Variants in C16orf95 observed in about 807,000 individuals in gnomAD.
C16orf95 encodes uncharacterized protein C16orf95.
C16orf95 carries 41 observed loss-of-function variants against 32.1 expected under a neutral mutation model. The observed-to-expected ratio is 1.28, with a 90% CI of 1.00 to 1.66. C16orf95 has a LOEUF of 1.66. Among genes scored for constraint, C16orf95 ranks in the 40% most tolerant of loss-of-function variants. C16orf95 has a pLI of 0.00. For synonymous variants in C16orf95, 147 were observed against 128.9 expected (o/e 1.14, Z -0.95); for missense variants, 399 against 325.9 (o/e 1.22, Z -1.73).
intron 1 of C16orf95, among the ~76,000 whole-genome samples, chr16:87,316,621 T>C (rs1904346957): frequency 6.6e-6 from 1 of 151,810 alleles, no homozygotes; most frequent in African/African-American, 2.4e-5. Context: ...CTTCTGGTAA[T>C]GACAGCACTG....
rs532992225 is a variant in C16orf95, at chr16:87,305,713, G to C, written c.701+6C>G. ...ACCCACTGTCCCCCATCCCCCACCTGCTCACCGAATGGCCATGATGACCCT... is the reference window on the plus strand; with the variant it reads ...ACCCACTGTCCCCCATCCCCCACCTCCTCACCGAATGGCCATGATGACCCT... On this transcript the variant is annotated splice_donor_region_variant and intron_variant, in intron 6 of 6. Coordinates refer to ENST00000567970, the MANE Select transcript of C16orf95 (RefSeq NM_001195124.3). The surrounding 1 kb of genome is among the most constrained non-coding windows in gnomAD (Gnocchi z 4.2). 1.9e-3 allele frequency: 2,844 copies of C among 1,496,182 alleles called. 64 individuals are homozygous for C. The South Asian group carries it at 0.033, about 18-fold the overall frequency. 92.7% of individuals were successfully genotyped at this position (1,496,182 alleles called of 1,614,324 possible). A position where few individuals can be genotyped will look rare whatever the true frequency, so the allele number is the denominator to read the frequency against.
Position 87,305,551 on chromosome 16 carries a change from G to A in C16orf95, c.701+168C>T, listed in dbSNP as rs887784188. On this transcript the variant is annotated intron_variant, in intron 6 of 6. Coordinates refer to ENST00000567970, the MANE Select transcript of C16orf95 (RefSeq NM_001195124.3). This position sits in a 1 kb window ranked among gnomAD's most constrained non-coding sequence, Gnocchi z 4.2. ...CTCTAGGTGACGCGGGGCAGAGCCT[G>A]CGCTGTGCAGAGCACCACAGGACAC... Among the ~76,000 whole-genome samples, 1 of 150,946 alleles carries A rather than the reference G, an allele frequency of 6.6e-6. No individual in the cohort carries two copies.
In C16orf95 at chr16:87,302,841, G is replaced by C; in HGVS notation, c.*216C>G. 1 of 582,442 alleles carries C rather than the reference G, an allele frequency of 1.7e-6. No individual in the cohort carries two copies. The highest frequency in any genetic ancestry group is 2.0e-5 in the South Asian group (1 of 50,622). 36.1% of individuals were successfully genotyped at this position (582,442 alleles called of 1,614,324 possible). A position where few individuals can be genotyped will look rare whatever the true frequency, so the allele number is the denominator to read the frequency against. On this transcript the variant is annotated 3_prime_UTR_variant, in exon 7 of 7. Transcript: ENST00000567970. ...TAGAGTTTCACAAATAACATTTATT[G>C]ACCACATTCATAACAGAAACTCACC...
chr16:87,303,197 C>CT (rs1404086594), intron 6 of C16orf95, 122 bp from the exon 7 acceptor site: 2 of 937,794 alleles, frequency 2.1e-6, no homozygotes, highest in Non-Finnish European at 3.3e-6. Flanking sequence ...GTGCACAGGG[C>CT]TGGAGGAATC....
Position 87,305,825 on chromosome 16 carries a change from G to C in C16orf95, c.595C>G (p.Leu199Val). The change falls in exon 6 of 7, where the codon CTC becomes GTC. Residue 199 changes from leucine (L) to valine (V), a missense_variant. Transcript: ENST00000567970. This position sits in a 1 kb window ranked among gnomAD's most constrained non-coding sequence, Gnocchi z 4.2. ...AGCTGGTCCTGGTAGGGGGCCTGGA[G>C]CTGCTGGAACTTGGACAACAGGCAC... ...DECLLSKFQQ[L>V]QAPYQDQLPA... 2.0e-6 allele frequency: 3 copies of C among 1,496,762 alleles called. No individual in the cohort carries two copies. In the East Asian group the frequency reaches 7.8e-5, roughly 39 times the overall value. 92.7% of individuals were successfully genotyped at this position (1,496,762 alleles called of 1,614,324 possible).
intron 5 of C16orf95, among the ~76,000 whole-genome samples, chr16:87,306,739 T>C (rs917815976): frequency 2.6e-5 from 4 of 152,166 alleles, no homozygotes; most frequent in Non-Finnish European, 5.9e-5. Context: ...CTGGCAGCAA[T>C]GAGATCTGCT....
chr16:87,314,937 C>T (rs1345514827), intron 3 of C16orf95, 34 bp downstream of exon 3: 1 of 1,531,364 alleles, frequency 6.5e-7, no homozygotes, highest in South Asian at 1.2e-5. Flanking sequence ...CACCCTGGAC[C>T]CTAGGGGAAG....
rs1273869705 is a variant in C16orf95, at chr16:87,305,086, G to A, written c.701+633C>T. 6.6e-6 allele frequency among the ~76,000 whole-genome samples: 1 copy of A among 152,178 alleles called. No homozygotes were observed. The highest frequency in any genetic ancestry group is 1.9e-4 in the East Asian group (1 of 5,178). ...TTGCAGAGGAGCCACCGCCTAGGCCGAGAGTAAAGGAGTAAGAGGAAGTAG... is the reference window on the plus strand; with the variant it reads ...TTGCAGAGGAGCCACCGCCTAGGCCAAGAGTAAAGGAGTAAGAGGAAGTAG... On this transcript the variant is annotated intron_variant, in intron 6 of 6. Transcript: ENST00000567970. This position sits in a 1 kb window ranked among gnomAD's most constrained non-coding sequence, Gnocchi z 4.2.
intron 3 of C16orf95, 76 bp downstream of exon 3, chr16:87,314,895 T>C: frequency 7.9e-7 from 1 of 1,273,054 alleles, no homozygotes; most frequent in African/African-American, 1.5e-5. Context: ...ATAATACTTC[T>C]AATTCTGAGG....
rs151139083 is a variant in C16orf95 at position 87,306,504 on chromosome 16, T to C, written c.515-599A>G. On this transcript the variant is annotated intron_variant, in intron 5 of 6. Transcript: ENST00000567970. ...ACTAATATAAAATATACATTAATTA[T>C]ATTAATGTAAATATCATAAATATAC... Among the ~76,000 whole-genome samples, 24 of 152,136 alleles carry C rather than the reference T, an allele frequency of 1.6e-4. No individual in the cohort carries two copies. In the East Asian group the frequency reaches 4.6e-3, roughly 29 times the overall value.
chr16:87,312,584 A>AAC (rs1318535827), intron 3 of C16orf95, among the ~76,000 whole-genome samples: 2 of 148,966 alleles, frequency 1.3e-5, no homozygotes, highest in Non-Finnish European at 3.0e-5. Flanking sequence ...AAAAAAAAAA[A>AAC]AAGAAAGAAA....
intron 1 of C16orf95, among the ~76,000 whole-genome samples, chr16:87,316,515 C>T (rs1415807875): frequency 6.6e-6 from 1 of 152,160 alleles, no homozygotes; most frequent in African/African-American, 2.4e-5. Context: ...ATTATTATTG[C>T]TATTTTTGTG....
chr16:87,313,545 G>A (rs1398964166), intron 3 of C16orf95, among the ~76,000 whole-genome samples: 3 of 152,102 alleles, frequency 2.0e-5, no homozygotes, highest in Non-Finnish European at 2.9e-5. Context: ...ACTAGCCAGG[G>A]CAACATAGTG....
At chr16:87,312,314 A>G (rs1911316657) in intron 3 of C16orf95, among the ~76,000 whole-genome samples, 1 of 152,220 alleles carries the variant, frequency 6.6e-6, no homozygotes, top group Admixed American at 6.5e-5. Context: ...CATGCCAATA[A>G]TCCCAGCATT....
rs556179852 is a variant in C16orf95, at chr16:87,308,991, G to A, written c.514+1306C>T. ...TGAATGTTTTTTCTCACAAACTGAT[G>A]TGGATGGGCTGGCGATGCAGGCTGC... On this transcript the variant is annotated intron_variant, in intron 5 of 6. Transcript: ENST00000567970. Among the ~76,000 whole-genome samples the A allele has an allele frequency of 5.3e-5, 8 of 152,314 alleles. No individual in the cohort carries two copies. In the East Asian group the frequency reaches 7.7e-4, roughly 15 times the overall value.
At chr16:87,315,688 T>C (rs558891238) in intron 2 of C16orf95, 84 bp downstream of exon 2, 3 of 1,082,670 alleles carry the variant, frequency 2.8e-6, no homozygotes, top group Admixed American at 2.9e-5. Context: ...GGGATGCAGC[T>C]TCTGGACCCA....
In C16orf95 at chr16:87,305,876, T is replaced by C; in HGVS notation, c.544A>G (p.Asn182Asp). 6.9e-7 allele frequency: 1 copy of C among 1,440,968 alleles called. No homozygotes were observed. The highest frequency in any genetic ancestry group is 9.1e-7 in the Non-Finnish European group (1 of 1,100,720). 89.3% of individuals were successfully genotyped at this position (1,440,968 alleles called of 1,614,324 possible). Reference sequence around the variant, plus strand: ...TCATCACCGCAGATCCGCCAGCAGTTGTGCCAGCAGCATGCATCCAGCAGG... The same window carrying C: ...TCATCACCGCAGATCCGCCAGCAGTCGTGCCAGCAGCATGCATCCAGCAGG... The part of the protein sequence containing the change: ...APLLDACCWH[N>D]CWRICGDECL... Residue 182 changes from asparagine (N) to aspartate (D), a missense_variant, in exon 6 of 7, where the codon AAC becomes GAC. By Grantham distance (23) the Asn-to-Asp change is conservative. Coordinates refer to ENST00000567970, the MANE Select transcript of C16orf95 (RefSeq NM_001195124.3). This position sits in a 1 kb window ranked among gnomAD's most constrained non-coding sequence, Gnocchi z 4.2.
At chr16:87,303,138 C>A (rs1399706114) in intron 6 of C16orf95, 63 bp from the exon 7 acceptor site, 6 of 1,515,708 alleles carry the variant, frequency 4.0e-6, no homozygotes, top group Non-Finnish European at 5.3e-6. Flanking sequence ...CTGCCCTCAG[C>A]GCGTGCCCTT....
intron 4 of C16orf95, 73 bp downstream of exon 4, chr16:87,311,077 T>C (rs1337818360): frequency 8.2e-6 from 11 of 1,340,786 alleles, no homozygotes; most frequent in Non-Finnish European, 2.9e-6. Flanking sequence ...TTCCCCTTCT[T>C]CCTCCCATCT....
Sources: allele counts gnomAD v4.1 joint callset (sites outside exome capture counted in the v4.1 genomes callset), GRCh38; gene constraint gnomAD v4.1.1; non-coding constraint Gnocchi (gnomAD v3.1); transcripts MANE v1.5; gene names NCBI Gene and HGNC (gene_info 2026-07-23, HGNC 2026-07-21).